The following ORC1 variants were observed in gnomAD, a reference collection of about 807,000 sequenced individuals.
ORC1 encodes the protein origin recognition complex subunit 1, also known as origin recognition complex, subunit 1 homolog.
In ORC1, 61 loss-of-function variants were observed where a neutral mutation model predicts 98.9. The ratio of observed to expected loss-of-function variants is 0.62; its 90% CI spans 0.50 to 0.76. ORC1 has a LOEUF of 0.76. Ranked by LOEUF, ORC1 falls within the 30% of genes least tolerant of loss-of-function variation. ORC1 has a pLI of 0.00. For synonymous variants in ORC1, 385 were observed against 406.9 expected (o/e 0.95, Z 0.65); for missense variants, 979 against 1,072.2 (o/e 0.91, Z 1.21).
intron 6 of ORC1, among the ~76,000 whole-genome samples, chr1:52,392,222 C>T (rs368870130): frequency 6.6e-6 from 1 of 151,936 alleles, no homozygotes; most frequent in African/African-American, 2.4e-5. Context: ...CTCCGCCTCC[C>T]AGGTTCACAG....
upstream of ORC1, chr1:52,404,972 T>TG: frequency 6.8e-7 from 1 of 1,472,572 alleles, no homozygotes; most frequent in Non-Finnish European, 9.3e-7. Context: ...CCTCTGGGGG[T>TG]GGTACTGGAA....
chr1:52,397,398 C>T (rs760920072), intron 4 of ORC1, among the ~76,000 whole-genome samples: 22 of 152,194 alleles, frequency 1.4e-4, no homozygotes, highest in Non-Finnish European at 1.9e-4. Context: ...TTATGCATGC[C>T]ACAGTCATAG....
At chr1:52,395,614 A>G (rs770711802) in intron 5 of ORC1, among the ~76,000 whole-genome samples, 7 of 152,212 alleles carry the variant, frequency 4.6e-5, no homozygotes, top group Non-Finnish European at 8.8e-5. Flanking sequence ...GGACTTTGAG[A>G]CCAGCCTGGG....
At chr1:52,395,412 G>GC (rs1647349194) in intron 5 of ORC1, among the ~76,000 whole-genome samples, 1 of 152,182 alleles carries the variant, frequency 6.6e-6, no homozygotes, top group African/African-American at 2.4e-5. Flanking sequence ...ACAAGGAAAG[G>GC]AGTAGTGCTT....
intron 16 of ORC1, 58 bp from the exon 17 acceptor site, chr1:52,373,433 G>T: frequency 6.9e-7 from 1 of 1,458,612 alleles, no homozygotes; most frequent in Non-Finnish European, 9.6e-7. Context: ...GGCTTTTTCT[G>T]TTCCTTTCTT....
upstream of ORC1, chr1:52,405,693 CGA>C (rs1471443427): frequency 6.2e-7 from 1 of 1,613,000 alleles, no homozygotes; most frequent in Admixed American, 1.7e-5. Context: ...AACTTGTAGT[CGA>C]TAAAGCCATG....
upstream of ORC1, chr1:52,408,355 T>C: frequency 1.5e-6 from 1 of 684,818 alleles, no homozygotes; most frequent in Non-Finnish European, 2.7e-6. Context: ...ATATGTATGA[T>C]GTTCCCACAG....
chr1:52,397,972 G>GT (rs1010964690), intron 3 of ORC1, 109 bp from the exon 4 acceptor site: 188 of 1,057,048 alleles, frequency 1.8e-4, no homozygotes, highest in African/African-American at 5.8e-4. Context: ...GTGTGGTTTT[G>GT]TTTTTTGTTT....
chr1:52,375,461 T>A lies in ORC1; in HGVS notation c.2272A>T (p.Met758Leu), dbSNP rs1557567398. The A allele has an allele frequency of 1.9e-6, 3 of 1,614,156 alleles. 1 individual carries two copies. The South Asian group carries it at 3.3e-5, about 18-fold the overall frequency. ...IAHSMEAVDE[M>L]FSSSYITAIK... ...GCCGTGATGTATGATGATGAAAACA[T>A]CTCATCCACAGCTTCCATTGAGTGG... The change falls in exon 15 of 17, where the codon ATG becomes TTG. Residue 758 changes from methionine (M) to leucine (L), a missense_variant. Met to Leu is a conservative substitution (Grantham distance 15, BLOSUM62 2). Coordinates refer to ENST00000371568, the MANE Select transcript of ORC1 (RefSeq NM_004153.4).
chr1:52,408,739 AT>A, upstream of ORC1: 2 of 1,601,910 alleles, frequency 1.2e-6, no homozygotes, highest in Non-Finnish European at 1.7e-6. Flanking sequence ...GCCAGTTTTT[AT>A]TTTACCAGTA....
intron 10 of ORC1, 147 bp from the exon 11 acceptor site, chr1:52,384,868 C>G: frequency 1.3e-6 from 1 of 755,828 alleles, no homozygotes; most frequent in Non-Finnish European, 2.3e-6. Flanking sequence ...TCCTTGGAAG[C>G]TGGTCAGAGT....
chr1:52,376,733 G>A (rs746410659), intron 14 of ORC1, among the ~76,000 whole-genome samples: 4 of 152,204 alleles, frequency 2.6e-5, no homozygotes, highest in African/African-American at 9.6e-5. Flanking sequence ...GGGAACTCTG[G>A]GGGGTAAGGA....
At chr1:52,387,959 C>T (rs966824694) in intron 8 of ORC1, among the ~76,000 whole-genome samples, 2 of 152,208 alleles carry the variant, frequency 1.3e-5, no homozygotes, top group African/African-American at 4.8e-5. Flanking sequence ...TTTCAGTGTT[C>T]TGCTAAAGTT....
chr1:52,392,853 C>T (rs1339237132), intron 6 of ORC1, among the ~76,000 whole-genome samples: 1 of 152,126 alleles, frequency 6.6e-6, no homozygotes, highest in East Asian at 1.9e-4. Context: ...GGGAGCTAAG[C>T]TATGAGGATG....
At chr1:52,379,821 T>C (rs962792764) in intron 14 of ORC1, among the ~76,000 whole-genome samples, 1 of 151,878 alleles carries the variant, frequency 6.6e-6, no homozygotes. Context: ...TAGTCCCAGC[T>C]ACTTGGGAGG....
Position 52,401,362 on chromosome 1 carries a change from C to T in ORC1, c.223G>A (p.Asp75Asn), listed in dbSNP as rs1294503158. The stretch of plus-strand genomic sequence containing the variant: ...TTTATTATTCCAGTCCCAAACTCAC[C>T]ATCTTCGAACAACTCAAGCAATTTA... ...VAKLLELFED[D>N]SDPPPKKRAR... is the part of the protein sequence containing the mutation. The change falls in exon 3 of 17, where the codon GAC (aspartate) becomes AAC (asparagine). Residue 75 changes from aspartate to asparagine, a missense_variant and splice_region_variant. Asp to Asn is a conservative substitution (Grantham distance 23). Transcript: ENST00000371568. The T allele has an allele frequency of 6.2e-7, 1 of 1,614,112 alleles. No homozygotes were observed. Among genetic ancestry groups the T allele is most frequent in the Admixed American group, 1.7e-5 (1 of 60,018 alleles).
At chr1:52,381,877 C>G in intron 13 of ORC1, 116 bp from the exon 14 acceptor site, 1 of 966,574 alleles carries the variant, frequency 1.0e-6, no homozygotes, top group Non-Finnish European at 1.6e-6. Context: ...ACAAATTACA[C>G]ATTTCATACC....
At position 52,401,432 on chromosome 1, in the gene ORC1, C is replaced by A. The variant is rs764805666; in HGVS notation, c.153G>T (p.Gln51His). 2 of 1,614,092 alleles carry A rather than the reference C, an allele frequency of 1.2e-6. No individual in the cohort carries two copies. Among genetic ancestry groups the A allele is most frequent in the Non-Finnish European group, 1.7e-6 (2 of 1,179,996 alleles). The change falls in exon 3 of 17, where the codon CAG (glutamine) becomes CAT (histidine). Residue 51 changes from glutamine to histidine, a missense_variant. Physicochemically the swap from Gln to His is conservative, Grantham distance 24. Coordinates refer to ENST00000371568, the MANE Select transcript of ORC1 (RefSeq NM_004153.4). ...CATCATCCCCTTCAATCAACACAAA[C>A]TGTCCAATCTGGATGTGAATCTCGG... ...CSTEIHIQIG[Q>H]FVLIEGDDDE...
chr1:52,404,724 G>A (rs369821967), upstream of ORC1: 140 of 1,608,572 alleles, frequency 8.7e-5, no homozygotes, highest in Non-Finnish European at 1.1e-4. Context: ...AGGATCCGAC[G>A]GAAATAGAAT....
Sources: allele counts gnomAD v4.1 joint callset (sites outside exome capture counted in the v4.1 genomes callset), GRCh38; gene constraint gnomAD v4.1.1; transcripts MANE v1.5; gene names NCBI Gene and HGNC (gene_info 2026-07-23, HGNC 2026-07-21).